The following GBF1 variants were observed in gnomAD, a reference collection of about 807,000 sequenced individuals.
The protein encoded by GBF1 is Golgi-specific brefeldin A-resistance guanine nucleotide exchange factor 1.
In GBF1, 114 loss-of-function variants were observed where a neutral mutation model predicts 210.5. The observed-to-expected ratio is 0.54, with a 90% CI of 0.47 to 0.63. The LOEUF is 0.63. Ranked by LOEUF, GBF1 falls within the 30% of genes least tolerant of loss-of-function variation. The probability of loss-of-function intolerance (pLI) is 0.00; values close to 1 mark genes in which losing one functional copy is unlikely to be tolerated. For missense variants in GBF1, 1,851 were observed against 2,357.7 expected (o/e 0.79, Z 4.45); for synonymous variants, 850 against 889.2 (o/e 0.96, Z 0.78).
chr10:102,339,741 A>G (rs371850501), intron 3 of GBF1, among the ~76,000 whole-genome samples: 1 of 152,148 alleles, frequency 6.6e-6, no homozygotes, highest in East Asian at 1.9e-4. Context: ...ACATAGATCA[A>G]TGAAACAGAA....
chr10:102,329,389 T>C (rs1465621844), intron 3 of GBF1, among the ~76,000 whole-genome samples: 1 of 152,186 alleles, frequency 6.6e-6, no homozygotes, highest in Non-Finnish European at 1.5e-5. Flanking sequence ...TAACTAACAA[T>C]GTTTAGTCAC....
At chr10:102,290,597 T>C (rs2076354142) in intron 3 of GBF1, among the ~76,000 whole-genome samples, 1 of 152,160 alleles carries the variant, frequency 6.6e-6, no homozygotes, top group African/African-American at 2.4e-5. Flanking sequence ...TGCCTGGGCT[T>C]AGGTGATCCT....
intron 3 of GBF1, among the ~76,000 whole-genome samples, chr10:102,328,403 G>T (rs1017059650): frequency 1.3e-5 from 2 of 152,146 alleles, no homozygotes; most frequent in African/African-American, 2.4e-5. Flanking sequence ...GGAGGCTGAG[G>T]TGGAAGGATT....
At chr10:102,369,155 A>G in intron 23 of GBF1, 56 bp from the exon 24 acceptor site, 3 of 1,311,578 alleles carry the variant, frequency 2.3e-6, no homozygotes, top group Non-Finnish European at 3.3e-6. Flanking sequence ...GACCTAAGAG[A>G]TTTTCCTTTC....
intron 3 of GBF1, among the ~76,000 whole-genome samples, chr10:102,320,323 G>A (rs1223693395): frequency 1.3e-5 from 2 of 152,008 alleles, no homozygotes; most frequent in African/African-American, 4.8e-5. Context: ...ATTTAAACTG[G>A]AGTTCTTACA....
intron 3 of GBF1, among the ~76,000 whole-genome samples, chr10:102,309,738 G>A (rs367713048): frequency 2.3e-4 from 35 of 152,126 alleles, no homozygotes; most frequent in South Asian, 6.2e-4. Context: ...TATGGATCTG[G>A]AATTTAATTC....
intron 1 of GBF1, among the ~76,000 whole-genome samples, chr10:102,248,078 A>C (rs934653312): frequency 6.6e-6 from 1 of 152,204 alleles, no homozygotes; most frequent in South Asian, 2.1e-4. Flanking sequence ...ACTCACTGCA[A>C]GGATCACCCT....
At chr10:102,246,793 TG>T in intron 1 of GBF1, among the ~76,000 whole-genome samples, 1 of 152,274 alleles carries the variant, frequency 6.6e-6, no homozygotes, top group East Asian at 1.9e-4. Context: ...TAAGGAATAG[TG>T]TAGATGGTGT....
At chr10:102,365,646 C>A (rs762517392) in intron 18 of GBF1, 47 bp downstream of exon 18, 2 of 1,505,336 alleles carry the variant, frequency 1.3e-6, no homozygotes, top group Non-Finnish European at 1.8e-6. Context: ...TATGGTGGCT[C>A]ATGCCTGTAA....
At chr10:102,233,763 T>C in the GBF1 span, among the ~76,000 whole-genome samples, 16 of 152,316 alleles carry the variant, frequency 1.1e-4, no homozygotes, top group African/African-American at 3.8e-4. Context: ...GGACAGCCTC[T>C]ACCAAGCCTG....
chr10:102,359,241 C>A (rs776016599), intron 10 of GBF1, 26 bp from the exon 11 acceptor site: 18 of 1,570,798 alleles, frequency 1.1e-5, no homozygotes, highest in Non-Finnish European at 1.2e-5. Context: ...ATCCCTCTTC[C>A]CATATCTCCC....
chr10:102,323,590 T>C lies in GBF1; in HGVS notation c.164-20461T>C, dbSNP rs539919621. 4.0e-5 allele frequency among the ~76,000 whole-genome samples: 6 copies of C among 149,938 alleles called. No homozygotes were observed. The South Asian group carries it at 6.3e-4, about 16-fold the overall frequency. On this transcript the variant is annotated intron_variant, in intron 3 of 39. Coordinates refer to ENST00000369983, the MANE Select transcript of GBF1 (RefSeq NM_001377137.1). ...TTTTTTCTGTCTTTTTTTTTTTTTT[T>C]CCTTTATGTGGAGAACGGGACCTCG...
At chr10:102,321,065 G>A (rs2056341853) in intron 3 of GBF1, among the ~76,000 whole-genome samples, 1 of 151,960 alleles carries the variant, frequency 6.6e-6, no homozygotes, top group Non-Finnish European at 1.5e-5. Context: ...CGAAGTGCTG[G>A]GATTACAGGC....
intron 3 of GBF1, among the ~76,000 whole-genome samples, chr10:102,342,779 C>G (rs2058290599): frequency 6.6e-6 from 1 of 152,042 alleles, no homozygotes; most frequent in Non-Finnish European, 1.5e-5. Flanking sequence ...GGGAGCTGGT[C>G]TCTGAAAGAT....
At chr10:102,281,930 C>CTTTT (rs772397261) in intron 3 of GBF1, among the ~76,000 whole-genome samples, 2 of 140,652 alleles carry the variant, frequency 1.4e-5, no homozygotes, top group Non-Finnish European at 3.1e-5. Context: ...TCTTTCTTTT[C>CTTTT]TTTTTTTTTT....
intron 11 of GBF1, 51 bp downstream of exon 11, chr10:102,359,486 A>C (rs1319278993): frequency 7.2e-7 from 1 of 1,381,766 alleles, no homozygotes; most frequent in Non-Finnish European, 1.0e-6. Context: ...CCTACCTACT[A>C]AGCTGCCTGA....
intron 3 of GBF1, among the ~76,000 whole-genome samples, chr10:102,286,210 T>G (rs889465200): frequency 3.7e-4 from 56 of 151,922 alleles, no homozygotes; most frequent in Admixed American, 1.2e-3. Flanking sequence ...TTTTTTTTTT[T>G]TTTTTTTCTG....
intron 39 of GBF1, 118 bp downstream of exon 39, chr10:102,381,373 C>A: frequency 1.0e-6 from 1 of 994,530 alleles, no homozygotes; most frequent in Non-Finnish European, 1.5e-6. Context: ...GGAAGAAGGC[C>A]ACTAGAGAGA....
At chr10:102,355,276 C>T (rs565852921) in intron 8 of GBF1, among the ~76,000 whole-genome samples, 1 of 152,270 alleles carries the variant, frequency 6.6e-6, no homozygotes, top group East Asian at 1.9e-4. Context: ...GTCCATTGGC[C>T]CGTGTTCTCT....
Sources: allele counts gnomAD v4.1 joint callset (sites outside exome capture counted in the v4.1 genomes callset), GRCh38; gene constraint gnomAD v4.1.1; transcripts MANE v1.5; gene names NCBI Gene and HGNC (gene_info 2026-07-23, HGNC 2026-07-21).